TP63: variants seen among roughly 807,000 people sequenced by gnomAD.
TP63 encodes tumor protein 63.
In TP63, 17 loss-of-function variants were observed where a neutral mutation model predicts 82.8. The observed-to-expected ratio is 0.21, with a 90% CI of 0.14 to 0.31. The LOEUF (loss-of-function observed/expected upper bound fraction) is 0.31, where lower values mean the gene tolerates loss of function less well. TP63 is among the 10% of genes least tolerant of loss of function. The probability of loss-of-function intolerance (pLI) is 1.00; values close to 1 mark genes in which losing one functional copy is unlikely to be tolerated. For synonymous variants in TP63, 330 were observed against 321.7 expected, an observed-to-expected ratio of 1.03 and a Z score of -0.28; for missense variants, 648 against 895.3, an observed-to-expected ratio of 0.72 and a Z score of 3.52.
intron 4 of TP63, among the ~76,000 whole-genome samples, chr3:189,848,416 C>A (rs1715216133): frequency 6.6e-6 from 1 of 151,004 alleles, no homozygotes; most frequent in Admixed American, 6.6e-5. Context: ...GCAGAGTCTT[C>A]TTGTATTGCC....
At chr3:189,655,075 A>G (rs1713219715) in intron 1 of TP63, among the ~76,000 whole-genome samples, 1 of 152,218 alleles carries the variant, frequency 6.6e-6, no homozygotes, top group Non-Finnish European at 1.5e-5. Context: ...ATGGACTCAC[A>G]GAATTTGGGA....
chr3:189,805,585 A>G (rs1207289851), intron 3 of TP63, among the ~76,000 whole-genome samples: 1 of 152,232 alleles, frequency 6.6e-6, no homozygotes, highest in Non-Finnish European at 1.5e-5. Context: ...CTGTTTCAGG[A>G]CAGTGGAAGA....
At chr3:189,838,204 C>T (rs1177390382) in intron 4 of TP63, among the ~76,000 whole-genome samples, 1 of 151,970 alleles carries the variant, frequency 6.6e-6, no homozygotes, top group African/African-American at 2.4e-5. Flanking sequence ...TTTATTCTTC[C>T]TACCTTTTTG....
At chr3:189,685,404 T>C (rs1185857778) in intron 1 of TP63, among the ~76,000 whole-genome samples, 1 of 152,226 alleles carries the variant, frequency 6.6e-6, no homozygotes, top group African/African-American at 2.4e-5. Flanking sequence ...TTTTTCATCC[T>C]CAGTGTTACT....
At chr3:189,756,778 G>A (rs1240117880) in intron 3 of TP63, among the ~76,000 whole-genome samples, 1 of 152,074 alleles carries the variant, frequency 6.6e-6, no homozygotes, top group African/African-American at 2.4e-5. Context: ...ATAGCCCCAG[G>A]GAAATAGTTC....
intron 1 of TP63, among the ~76,000 whole-genome samples, chr3:189,675,838 G>T (rs1203334133): frequency 6.6e-6 from 1 of 152,052 alleles, no homozygotes; most frequent in Non-Finnish European, 1.5e-5. Context: ...ACAGACAGAG[G>T]CTTAATTCTT....
intron 4 of TP63, among the ~76,000 whole-genome samples, chr3:189,836,256 G>T (rs1413416151): frequency 6.6e-6 from 1 of 152,108 alleles, no homozygotes; most frequent in Non-Finnish European, 1.5e-5. Flanking sequence ...TTTAAGAGGA[G>T]TTTTTCTTAT....
At chr3:189,826,865 A>G (rs776876684) in intron 4 of TP63, among the ~76,000 whole-genome samples, 61 of 152,218 alleles carry the variant, frequency 4.0e-4, no homozygotes, top group Admixed American at 7.2e-4. Context: ...AGTTCACTGA[A>G]CAGCACCTTT....
At chr3:189,752,905 A>G (rs1174945617) in intron 3 of TP63, among the ~76,000 whole-genome samples, 1 of 152,100 alleles carries the variant, frequency 6.6e-6, no homozygotes, top group African/African-American at 2.4e-5. Context: ...TTCCTCTTTG[A>G]CCCATAAGTA....
chr3:189,771,310 A>AATATATTATATATTTAT (rs1723331928), intron 3 of TP63, among the ~76,000 whole-genome samples: 2 of 138,458 alleles, frequency 1.4e-5, no homozygotes, highest in African/African-American at 2.7e-5. Flanking sequence ...TTATATATAT[A>AATATATTATATATTTAT]ATATATTATA....
At chr3:189,679,098 G>C (rs1187505321) in intron 1 of TP63, among the ~76,000 whole-genome samples, 2 of 151,914 alleles carry the variant, frequency 1.3e-5, no homozygotes, top group African/African-American at 4.8e-5. Flanking sequence ...AGTGAACATG[G>C]GGGTGCAGAT....
chr3:189,819,448 C>T (rs986150020), intron 4 of TP63, among the ~76,000 whole-genome samples: 4 of 152,070 alleles, frequency 2.6e-5, no homozygotes, highest in Middle Eastern at 3.2e-3. Context: ...TCCCCCCTTC[C>T]CTCACCCCAC....
chr3:189,806,308 G>A lies in TP63; in HGVS notation c.325-1964G>A, dbSNP rs574838165. Among the ~76,000 whole-genome samples the A allele has an allele frequency of 3.5e-3, 534 of 152,170 alleles. 6 individuals carry two copies. Among genetic ancestry groups the A allele is most frequent in the Non-Finnish European group, 5.7e-3 (390 of 68,004 alleles). ...GCCCAGCAGGCATTTTACTGCCTGC[G>A]AGAAAGTGCTGTGAGTTTCTTTGTC... On this transcript the variant is annotated intron_variant, in intron 3 of 13. Transcript: ENST00000264731.
chr3:189,748,038 G>A (rs938076834), intron 3 of TP63, among the ~76,000 whole-genome samples: 2 of 151,960 alleles, frequency 1.3e-5, no homozygotes, highest in African/African-American at 2.4e-5. Context: ...GACCAATATA[G>A]AAACATGCCT....
At chr3:189,796,165 G>A (rs1725677540) in intron 3 of TP63, among the ~76,000 whole-genome samples, 2 of 151,766 alleles carry the variant, frequency 1.3e-5, no homozygotes. Flanking sequence ...CAGAGCAGAG[G>A]GAAATATGAA....
chr3:189,797,307 T>C (rs1265348989), intron 3 of TP63, among the ~76,000 whole-genome samples: 1 of 152,096 alleles, frequency 6.6e-6, no homozygotes, highest in Admixed American at 6.6e-5. Context: ...AAGCCACTAA[T>C]AGGTGCAGTT....
chr3:189,789,951 A>C, intron 3 of TP63: 1 of 1,075,842 alleles, frequency 9.3e-7, no homozygotes, highest in Non-Finnish European at 1.3e-6. Context: ...AATGTTTTGC[A>C]AATTGTATAT....
chr3:189,628,514 A>ATT (rs1729368245), upstream of TP63, among the ~76,000 whole-genome samples: 1 of 152,132 alleles, frequency 6.6e-6, no homozygotes, highest in Admixed American at 6.6e-5. Context: ...CAAGTCCAAA[A>ATT]CACCTTTCCT....
At position 189,777,755 on chromosome 3, in the gene TP63, ATT is replaced by A. The variant is rs757870411; in HGVS notation, c.325-30506_325-30505del. ...GTATTTCACCCGACTTTGTAAACATATTTTTTTTTTTTCTTTTAAGTGTATGT... is the reference window on the plus strand; with the variant it reads ...GTATTTCACCCGACTTTGTAAACATATTTTTTTTTTCTTTTAAGTGTATGT... On this transcript the variant is annotated intron_variant, in intron 3 of 13. Coordinates refer to ENST00000264731, the MANE Select transcript of TP63 (RefSeq NM_003722.5). Among the ~76,000 whole-genome samples the A allele has an allele frequency of 6.3e-5, 7 of 110,760 alleles. No individual in the cohort carries two copies. In the South Asian group the frequency reaches 8.4e-4, roughly 13 times the overall value. 72.7% of individuals were successfully genotyped at this position (110,760 alleles called of 152,430 possible).
Sources: allele counts gnomAD v4.1 joint callset (sites outside exome capture counted in the v4.1 genomes callset), GRCh38; gene constraint gnomAD v4.1.1; transcripts MANE v1.5; gene names NCBI Gene and HGNC (gene_info 2026-07-23, HGNC 2026-07-21).